Variants in NTF3 observed in about 807,000 individuals in gnomAD.
The protein encoded by NTF3 is neurotrophin 3.
A neutral mutation model predicts 26.3 loss-of-function variants in NTF3; 8 were observed. The observed-to-expected ratio is 0.30, with a 90% CI of 0.18 to 0.55. The LOEUF is 0.55. NTF3 is among the 20% of genes least tolerant of loss of function. NTF3 has a pLI of 0.93. For synonymous variants in NTF3, 154 were observed against 145.5 expected (o/e 1.06, Z -0.42); for missense variants, 276 against 352.9 (o/e 0.78, Z 1.75).
intron 1 of NTF3, among the ~76,000 whole-genome samples, chr12:5,437,098 C>T (rs1940176186): frequency 1.3e-5 from 2 of 152,180 alleles, no homozygotes; most frequent in Admixed American, 6.5e-5. Flanking sequence ...AAGTTGGGTA[C>T]AGCCACTTTC....
At chr12:5,485,699 T>G (rs1189343713) in intron 1 of NTF3, among the ~76,000 whole-genome samples, 1 of 152,096 alleles carries the variant, frequency 6.6e-6, no homozygotes, top group Non-Finnish European at 1.5e-5. Flanking sequence ...TCTGGGTTGG[T>G]TTTTCAGTCT....
At chr12:5,453,659 G>A (rs73259331) in intron 1 of NTF3, among the ~76,000 whole-genome samples, 351 of 152,250 alleles carry the variant, frequency 2.3e-3, no homozygotes, top group African/African-American at 8.0e-3. Flanking sequence ...TTTTCTTCTC[G>A]CATTTGCCTA....
intron 1 of NTF3, among the ~76,000 whole-genome samples, chr12:5,491,068 C>G (rs1240689053): frequency 6.6e-6 from 1 of 152,210 alleles, no homozygotes; most frequent in Non-Finnish European, 1.5e-5. Flanking sequence ...GGTGCACAAG[C>G]CATGTGATTT....
At chr12:5,482,780 CCTCT>C (rs1324330641) in intron 1 of NTF3, among the ~76,000 whole-genome samples, 6 of 150,862 alleles carry the variant, frequency 4.0e-5, no homozygotes, top group South Asian at 2.1e-4. Flanking sequence ...TCTGCCTCTC[CCTCT>C]CTCTGTTTCT....
chr12:5,457,200 G>C (rs1450892673), intron 1 of NTF3, among the ~76,000 whole-genome samples: 1 of 152,204 alleles, frequency 6.6e-6, no homozygotes, highest in Non-Finnish European at 1.5e-5. Context: ...ACCGAATCTT[G>C]TCATTGCCAG....
upstream of NTF3, among the ~76,000 whole-genome samples, chr12:5,430,617 C>T (rs1055242163): frequency 1.3e-5 from 2 of 151,962 alleles, no homozygotes; most frequent in African/African-American, 4.8e-5. Flanking sequence ...CATCCAACCC[C>T]CCAGCTACTC....
chr12:5,463,264 A>G (rs1940546171), intron 1 of NTF3, among the ~76,000 whole-genome samples: 1 of 152,186 alleles, frequency 6.6e-6, no homozygotes, highest in Admixed American at 6.5e-5. Flanking sequence ...GCCTTTCTCA[A>G]ATTATACATA....
At chr12:5,431,587 G>C (rs1430851376), upstream of NTF3, among the ~76,000 whole-genome samples, 4 of 151,994 alleles carry the variant, frequency 2.6e-5, no homozygotes, top group Non-Finnish European at 5.9e-5. Flanking sequence ...AGGGGGTGGG[G>C]AGAGATCTGG....
chr12:5,444,390 G>T (rs1398978711), intron 1 of NTF3, among the ~76,000 whole-genome samples: 1 of 152,198 alleles, frequency 6.6e-6, no homozygotes, highest in Non-Finnish European at 1.5e-5. Flanking sequence ...GAGAGAGCAG[G>T]AGTCCCCAGC....
At position 5,433,078 on chromosome 12, in the gene NTF3, G is replaced by A. The variant is rs1940117752; in HGVS notation, c.18+736G>A. 1 of 152,306 alleles carries A rather than the reference G, an allele frequency of 6.6e-6. No homozygotes were observed. The highest frequency in any genetic ancestry group is 6.5e-5 in the Admixed American group (1 of 15,288). The allele number at this position is 152,306 out of a possible 1,614,324, so 9.4% of individuals were successfully genotyped here. A position where few individuals can be genotyped will look rare whatever the true frequency, so the allele number is the denominator to read the frequency against. ...TACCTGCGTTGGAGTTCCCCGAAAG[G>A]GTTTTTTCAGAAAAGACCTCGCGCC... On this transcript the variant is annotated intron_variant, in intron 1 of 1. Coordinates refer to ENST00000423158, the MANE Select transcript of NTF3 (RefSeq NM_001102654.2). The surrounding 1 kb of genome is among the most constrained non-coding windows in gnomAD (Gnocchi z 4.6).
At chr12:5,465,709 C>A (rs1470662888) in intron 1 of NTF3, among the ~76,000 whole-genome samples, 1 of 152,228 alleles carries the variant, frequency 6.6e-6, no homozygotes, top group Admixed American at 6.5e-5. Flanking sequence ...GATTTCCAGG[C>A]CCCCATCCCC....
intron 1 of NTF3, among the ~76,000 whole-genome samples, chr12:5,482,130 C>T (rs1940814083): frequency 6.6e-6 from 1 of 152,190 alleles, no homozygotes; most frequent in Non-Finnish European, 1.5e-5. Flanking sequence ...CACTCACACA[C>T]AGACACACAT....
rs1482994787 is a variant in NTF3 at position 5,433,515 on chromosome 12, G to T, written c.18+1173G>T. Among the ~76,000 whole-genome samples, 1 of 151,966 alleles carries T rather than the reference G, an allele frequency of 6.6e-6. No homozygotes were observed. Among genetic ancestry groups the T allele is most frequent in the Non-Finnish European group, 1.5e-5 (1 of 68,002 alleles). ...CTGCTTGTTGCTCTCCGCGGGAGTG[G>T]GTGCGCGTCCAGGAGGCGCTGCTTC... On this transcript the variant is annotated intron_variant, in intron 1 of 1. Transcript: ENST00000423158. This position sits in a 1 kb window ranked among gnomAD's most constrained non-coding sequence, Gnocchi z 4.6.
Position 5,456,313 on chromosome 12 carries a change from T to C in NTF3, c.18+23971T>C, listed in dbSNP as rs2121180337. 6.6e-6 allele frequency among the ~76,000 whole-genome samples: 1 copy of C among 152,242 alleles called. No homozygotes were observed. The highest frequency in any genetic ancestry group is 2.1e-4 in the South Asian group (1 of 4,816). Reference sequence around the variant, plus strand: ...CTTTTGAGAATCACATAGAATCGCATTGATTGATGAGTGAAAAATAAATGG... The same window carrying C: ...CTTTTGAGAATCACATAGAATCGCACTGATTGATGAGTGAAAAATAAATGG... On this transcript the variant is annotated intron_variant, in intron 1 of 1. Transcript: ENST00000423158. The surrounding 1 kb of genome is among the most constrained non-coding windows in gnomAD (Gnocchi z 4.4).
At position 5,456,755 on chromosome 12, in the gene NTF3, T is replaced by C. The variant is rs1290352553; in HGVS notation, c.18+24413T>C. ...CAAGGACCAAATTCTGTTTCTGGGC[T>C]CTGATATTTGCCAAGATTTTTACCA... On this transcript the variant is annotated intron_variant, in intron 1 of 1. Transcript: ENST00000423158. This position sits in a 1 kb window ranked among gnomAD's most constrained non-coding sequence, Gnocchi z 4.4. 6.6e-6 allele frequency among the ~76,000 whole-genome samples: 1 copy of C among 152,188 alleles called. No homozygotes were observed. Among genetic ancestry groups the C allele is most frequent in the Non-Finnish European group, 1.5e-5 (1 of 68,032 alleles).
rs188980771 is a variant in NTF3 at position 5,437,566 on chromosome 12, G to A, written c.18+5224G>A. Among the ~76,000 whole-genome samples the A allele has an allele frequency of 4.6e-5, 7 of 152,268 alleles. No individual in the cohort carries two copies. The South Asian group carries it at 8.3e-4, about 18-fold the overall frequency. On this transcript the variant is annotated intron_variant, in intron 1 of 1. Coordinates refer to ENST00000423158, the MANE Select transcript of NTF3 (RefSeq NM_001102654.2). Reference sequence around the variant, plus strand: ...CCAACTGGAGGGAATGCAAGTCTGTGCATTGCCTGGAAGTGAGAGAGGGGA... The same window carrying A: ...CCAACTGGAGGGAATGCAAGTCTGTACATTGCCTGGAAGTGAGAGAGGGGA...
chr12:5,482,356 C>T (rs529293694), intron 1 of NTF3, among the ~76,000 whole-genome samples: 5 of 152,284 alleles, frequency 3.3e-5, no homozygotes, highest in East Asian at 1.9e-4. Flanking sequence ...AGCCAGGAAG[C>T]GCTGTGTGAT....
rs756124330 is a variant in NTF3, at chr12:5,494,880, C to G, written c.705C>G (p.Thr235=). ...HWNSQCKTSQ[T]YVRALTSENN... ...ACTCTCAGTGCAAAACATCCCAAAC[C>G]TACGTCCGAGCACTGACTTCAGAGA... Residue 235 remains threonine, a synonymous_variant, in exon 2 of 2, where the codon ACC becomes ACG. Transcript: ENST00000423158. This position sits in a 1 kb window ranked among gnomAD's most constrained non-coding sequence, Gnocchi z 8.3. 2.5e-6 allele frequency: 4 copies of G among 1,614,056 alleles called. No individual in the cohort carries two copies. Among genetic ancestry groups the G allele is most frequent in the Non-Finnish European group, 3.4e-6 (4 of 1,180,064 alleles).
chr12:5,458,837 CCAGT>C (rs1940486559), intron 1 of NTF3, among the ~76,000 whole-genome samples: 2 of 152,138 alleles, frequency 1.3e-5, no homozygotes, highest in African/African-American at 4.8e-5. Flanking sequence ...TTCTCTGTGA[CCAGT>C]AAGTAGGGAA....
Sources: allele counts gnomAD v4.1 joint callset (sites outside exome capture counted in the v4.1 genomes callset), GRCh38; gene constraint gnomAD v4.1.1; non-coding constraint Gnocchi (gnomAD v3.1); transcripts MANE v1.5; gene names NCBI Gene and HGNC (gene_info 2026-07-23, HGNC 2026-07-21).